BMAL1: variants seen among roughly 807,000 people sequenced by gnomAD.
BMAL1 encodes basic helix-loop-helix ARNT-like protein 1.
the BMAL1 span, chr11:13,375,847 C>T: frequency 7.7e-7 from 1 of 1,301,788 alleles, no homozygotes; most frequent in East Asian, 2.7e-5. Context: ...GTGCAGGCAA[C>T]ATCCAGTATC....
chr11:13,381,261 CTGA>C, the BMAL1 span: 33 of 1,613,430 alleles, frequency 2.0e-5, no homozygotes, highest in East Asian at 7.4e-4. Flanking sequence ...GAAGGTAAGA[CTGA>C]TGATTCTTAG....
chr11:13,354,437 C>T, the BMAL1 span: 3 of 1,614,066 alleles, frequency 1.9e-6, no homozygotes, highest in Admixed American at 5.0e-5. Context: ...AAGGCAGCTC[C>T]ACTGACTACC....
the BMAL1 span, among the ~76,000 whole-genome samples, chr11:13,341,299 C>A: frequency 2.6e-5 from 4 of 152,226 alleles, no homozygotes; most frequent in Non-Finnish European, 4.4e-5. Context: ...TGGGGTCCCA[C>A]CACCCCACTT....
chr11:13,338,292 A>G, the BMAL1 span, among the ~76,000 whole-genome samples: 1 of 152,220 alleles, frequency 6.6e-6, no homozygotes, highest in African/African-American at 2.4e-5. Context: ...TTCTGGGGTC[A>G]GGCAGGATAC....
the BMAL1 span, among the ~76,000 whole-genome samples, chr11:13,330,574 T>C: frequency 1.3e-5 from 2 of 152,248 alleles, no homozygotes; most frequent in African/African-American, 2.4e-5. Context: ...TGTGAACTTA[T>C]ATGACTCCTG....
At chr11:13,291,661 T>C in the BMAL1 span, among the ~76,000 whole-genome samples, 1 of 152,234 alleles carries the variant, frequency 6.6e-6, no homozygotes, top group African/African-American at 2.4e-5. Context: ...GCTTTCTCTA[T>C]TGAAGTTCTT....
the BMAL1 span, among the ~76,000 whole-genome samples, chr11:13,353,826 A>C: frequency 1.4e-4 from 21 of 152,316 alleles, no homozygotes; most frequent in Middle Eastern, 6.8e-3. Flanking sequence ...ACTTTGTCTC[A>C]AAACAAATAA....
the BMAL1 span, chr11:13,354,206 C>CCCCCCCCCCCA: frequency 2.3e-6 from 2 of 880,506 alleles, no homozygotes; most frequent in South Asian, 1.5e-5. Flanking sequence ...CCCGGCCCCC[C>CCCCCCCCCCCA]ACCACCAAAC....
the BMAL1 span, among the ~76,000 whole-genome samples, chr11:13,347,621 C>T: frequency 1.1e-4 from 16 of 151,892 alleles, no homozygotes; most frequent in African/African-American, 2.9e-4. Context: ...CCGAGATGGG[C>T]GGATTGCTTG....
chr11:13,349,916 GTTTTC>G, the BMAL1 span: 3 of 152,286 alleles, frequency 2.0e-5, no homozygotes, highest in Non-Finnish European at 2.9e-5. Context: ...ACCTGTCTGG[GTTTTC>G]TTTTCTTGTG....
At chr11:13,333,244 G>A in the BMAL1 span, among the ~76,000 whole-genome samples, 1 of 152,174 alleles carries the variant, frequency 6.6e-6, no homozygotes. Flanking sequence ...TGGGATTACA[G>A]GCGTGATCCA....
the BMAL1 span, among the ~76,000 whole-genome samples, chr11:13,308,248 C>T: frequency 1.3e-5 from 2 of 152,140 alleles, no homozygotes; most frequent in African/African-American, 2.4e-5. Flanking sequence ...GGGAGGAGCA[C>T]GTCAGGGGTC....
chr11:13,366,567 A>G, the BMAL1 span: 91 of 1,129,012 alleles, frequency 8.1e-5, no homozygotes, highest in South Asian at 5.2e-4. Flanking sequence ...CATGCACAAA[A>G]ACACAAAGGC....
At chr11:13,374,057 G>A in the BMAL1 span, 2 of 1,584,626 alleles carry the variant, frequency 1.3e-6, no homozygotes, top group Admixed American at 1.7e-5. Flanking sequence ...CATCTGAATG[G>A]CTTTTTCTTC....
At chr11:13,284,260 ATATATAT>A in the BMAL1 span, among the ~76,000 whole-genome samples, 17 of 20,022 alleles carry the variant, frequency 8.5e-4, 3 homozygotes, top group African/African-American at 2.1e-3. Context: ...ATATATATAT[ATATATAT>A]TTTTTTTTTT....
the BMAL1 span, among the ~76,000 whole-genome samples, chr11:13,371,399 T>G: frequency 1.1e-4 from 16 of 152,340 alleles, no homozygotes; most frequent in African/African-American, 3.8e-4. Context: ...CCCAACAGTT[T>G]GATCTCAGAA....
the BMAL1 span, among the ~76,000 whole-genome samples, chr11:13,313,327 C>T: frequency 6.6e-6 from 1 of 152,146 alleles, no homozygotes; most frequent in African/African-American, 2.4e-5. Context: ...TCCTTAACGT[C>T]CTCCCTGGGT....
chr11:13,338,779 T>G, the BMAL1 span, among the ~76,000 whole-genome samples: 1 of 152,194 alleles, frequency 6.6e-6, no homozygotes, highest in African/African-American at 2.4e-5. Flanking sequence ...CTATGTGATG[T>G]CGATGCCTCC....
At chr11:13,372,795 A>AG in the BMAL1 span, among the ~76,000 whole-genome samples, 1 of 152,132 alleles carries the variant, frequency 6.6e-6, no homozygotes, top group Non-Finnish European at 1.5e-5. Flanking sequence ...TGGGCAACAG[A>AG]GTGAGACCCT....
Sources: allele counts gnomAD v4.1 joint callset (sites outside exome capture counted in the v4.1 genomes callset), GRCh38; gene constraint gnomAD v4.1.1; transcripts MANE v1.5; gene names NCBI Gene and HGNC (gene_info 2026-07-23, HGNC 2026-07-21).